Variants in P2RY8 observed in about 807,000 individuals in gnomAD.
The protein encoded by P2RY8 is P2Y receptor family member 8.
P2RY8 carries 6 observed loss-of-function variants against 10.0 expected under a neutral mutation model. The observed-to-expected ratio is 0.60, with a 90% confidence interval of 0.33 to 1.19. The LOEUF is 1.19. Ranked by LOEUF, P2RY8 falls within the 50% of genes most tolerant of loss-of-function variation. The pLI, the probability that P2RY8 is intolerant of heterozygous loss-of-function variation, is 0.04. For missense variants in P2RY8, 456 were observed against 542.0 expected, an observed-to-expected ratio of 0.84 and a Z score of 1.58; for synonymous variants, 276 against 252.5, an observed-to-expected ratio of 1.09 and a Z score of -0.88.
In P2RY8 at chrX:1,463,863, G is replaced by T. The variant is rs1442260947; in HGVS notation, c.*1616C>A. 4 of 233,192 alleles carry T rather than the reference G, an allele frequency of 1.7e-5. No homozygotes were observed. Among genetic ancestry groups the T allele is most frequent in the Non-Finnish European group, 2.5e-5 (3 of 118,082 alleles). 14.4% of individuals were successfully genotyped at this position (233,192 alleles called of 1,614,324 possible). ...TCTTCCGTCTCTCATAGGGACACTG[G>T]ATTGGGCCCATTGTAAATGCAGTAT... On this transcript the variant is annotated 3_prime_UTR_variant, in exon 2 of 2. Coordinates refer to ENST00000381297, the MANE Select transcript of P2RY8 (RefSeq NM_178129.5).
intron 1 of P2RY8, among the ~76,000 whole-genome samples, chrX:1,484,345 C>CCAAAGAGAA (rs2091966801): frequency 6.6e-6 from 1 of 152,026 alleles, no homozygotes; most frequent in African/African-American, 2.4e-5. Flanking sequence ...CTCTTTGTGA[C>CCAAAGAGAA]CTAAGGGAGG....
chrX:1,478,278 G>T (rs2091898973), intron 1 of P2RY8, among the ~76,000 whole-genome samples: 1 of 43,296 alleles, frequency 2.3e-5, no homozygotes, highest in Non-Finnish European at 4.5e-5. Flanking sequence ...TGTGTGCCCA[G>T]CAGGGAAGCA....
In P2RY8 at chrX:1,515,201, G is replaced by A. The variant is rs1161085739; in HGVS notation, c.-25+21720C>T. Among the ~76,000 whole-genome samples, 8 of 149,944 alleles carry A rather than the reference G, an allele frequency of 5.3e-5. No individual in the cohort carries two copies. In the East Asian group the frequency reaches 1.4e-3, roughly 27 times the overall value. ...GCTGGGATTACAGGCATCAGCCACC[G>A]CGCCCAACCTGCCTTTTTCTTTTCT... On this transcript the variant is annotated intron_variant, in intron 1 of 1. Transcript: ENST00000381297.
chrX:1,507,941 C>T (rs766072721), intron 1 of P2RY8, among the ~76,000 whole-genome samples: 3 of 152,194 alleles, frequency 2.0e-5, no homozygotes, highest in East Asian at 1.9e-4. Context: ...TCTTTGCAGC[C>T]GGGCGGGACC....
chrX:1,517,593 A>G (rs1321287596), intron 1 of P2RY8, among the ~76,000 whole-genome samples: 1 of 152,160 alleles, frequency 6.6e-6, no homozygotes, highest in Non-Finnish European at 1.5e-5. Flanking sequence ...GGAAAAGAGG[A>G]TCTGCAGTGA....
intron 1 of P2RY8, among the ~76,000 whole-genome samples, chrX:1,521,753 T>C: frequency 6.6e-6 from 1 of 150,572 alleles, no homozygotes; most frequent in East Asian, 1.9e-4. Flanking sequence ...GCTGGGTATT[T>C]GGTGGTATTT....
At chrX:1,491,092 G>A (rs1257829168) in intron 1 of P2RY8, among the ~76,000 whole-genome samples, 2 of 151,716 alleles carry the variant, frequency 1.3e-5, no homozygotes, top group African/African-American at 4.8e-5. Flanking sequence ...CCCTGCAAAT[G>A]TGGGGGGAAT....
At chrX:1,476,297 C>T (rs1355193281) in intron 1 of P2RY8, among the ~76,000 whole-genome samples, 3 of 151,992 alleles carry the variant, frequency 2.0e-5, no homozygotes, top group Non-Finnish European at 4.4e-5. Context: ...AATGGGTCGG[C>T]TGGGCACGGT....
chrX:1,515,947 C>CGGGG (rs1491526447), intron 1 of P2RY8, among the ~76,000 whole-genome samples: 6 of 91,856 alleles, frequency 6.5e-5, no homozygotes, highest in Admixed American at 2.6e-4. Context: ...GCCGAGGGGT[C>CGGGG]GGGGGGTGGT....
chrX:1,524,301 C>T (rs5948934), intron 1 of P2RY8, among the ~76,000 whole-genome samples: 127,785 of 150,260 alleles, frequency 0.85, 54,525 homozygotes, highest in East Asian at 0.98. Context: ...CCTTTATTCA[C>T]TCATTCATCC....
intron 1 of P2RY8, among the ~76,000 whole-genome samples, chrX:1,518,944 G>GC (rs2092371242): frequency 3.3e-5 from 5 of 150,244 alleles, no homozygotes; most frequent in Admixed American, 2.7e-4. Context: ...TAATCTTCCT[G>GC]CCCCCAGTAA....
At position 1,522,890 on chromosome X, in the gene P2RY8, G is replaced by A. The variant is rs1405352282; in HGVS notation, c.-25+14031C>T. On this transcript the variant is annotated intron_variant, in intron 1 of 1. Transcript: ENST00000381297. Reference sequence around the variant, plus strand: ...TCGAGACCAGCCTGTCCAATATGGCGAAACCCCATCTCTACTAAAAATACA... The same window carrying A: ...TCGAGACCAGCCTGTCCAATATGGCAAAACCCCATCTCTACTAAAAATACA... Among the ~76,000 whole-genome samples, 14 of 151,868 alleles carry A rather than the reference G, an allele frequency of 9.2e-5. No homozygotes were observed. In the East Asian group the frequency reaches 2.1e-3, roughly 23 times the overall value.
intron 1 of P2RY8, among the ~76,000 whole-genome samples, chrX:1,521,338 G>A (rs1410254362): frequency 2.0e-5 from 3 of 151,948 alleles, no homozygotes; most frequent in Admixed American, 1.3e-4. Context: ...GAGCCACCGC[G>A]CCCGGCCTTT....
chrX:1,485,787 A>G (rs1457764920), intron 1 of P2RY8, among the ~76,000 whole-genome samples: 1 of 149,620 alleles, frequency 6.7e-6, no homozygotes, highest in Non-Finnish European at 1.5e-5. Context: ...TTTGTGTATT[A>G]TATGTAACAT....
intron 1 of P2RY8, among the ~76,000 whole-genome samples, chrX:1,507,987 C>G (rs1375935028): frequency 1.3e-5 from 2 of 152,124 alleles, no homozygotes; most frequent in Non-Finnish European, 2.9e-5. Flanking sequence ...CAGGAGACCT[C>G]CCTGCCGCCT....
At position 1,497,593 on chromosome X, in the gene P2RY8, G is replaced by A. The variant is rs1475247766; in HGVS notation, c.-24-31011C>T. On this transcript the variant is annotated intron_variant, in intron 1 of 1. Transcript: ENST00000381297. ...GAATCGCTTGAACCCGGGAGGCGGAGGTTGCGGTGAGCCGAGACCGTGCCA... is the reference window on the plus strand; with the variant it reads ...GAATCGCTTGAACCCGGGAGGCGGAAGTTGCGGTGAGCCGAGACCGTGCCA... Among the ~76,000 whole-genome samples the A allele has an allele frequency of 5.5e-4, 83 of 152,208 alleles. 1 individual carries two copies. The highest frequency in any genetic ancestry group is 2.2e-3 in the Admixed American group (34 of 15,286).
intron 1 of P2RY8, among the ~76,000 whole-genome samples, chrX:1,524,878 C>CATCCATCT (rs1428153794): frequency 3.9e-5 from 4 of 102,034 alleles, no homozygotes; most frequent in Non-Finnish European, 8.9e-5. Flanking sequence ...TCCACTCATC[C>CATCCATCT]ATCCATCCAT....
intron 1 of P2RY8, among the ~76,000 whole-genome samples, chrX:1,528,234 C>T (rs1314077718): frequency 6.6e-6 from 1 of 152,216 alleles, no homozygotes; most frequent in East Asian, 1.9e-4. Flanking sequence ...CCTGGGAGGC[C>T]TCCAGCTTCA....
intron 1 of P2RY8, among the ~76,000 whole-genome samples, chrX:1,509,814 T>C (rs868715395): frequency 0.013 from 1,406 of 104,770 alleles, 3 homozygotes; most frequent in South Asian, 0.023. Context: ...TCTATCTATC[T>C]ATCTATCTAT....
Sources: allele counts gnomAD v4.1 joint callset (sites outside exome capture counted in the v4.1 genomes callset), GRCh38; gene constraint gnomAD v4.1.1; transcripts MANE v1.5; gene names NCBI Gene and HGNC (gene_info 2026-07-23, HGNC 2026-07-21).